PPT1: variants seen among roughly 807,000 people sequenced by gnomAD.
The protein encoded by PPT1 is palmitoyl-protein thioesterase 1.
In PPT1, 24 loss-of-function variants were observed where a neutral mutation model predicts 44.0. The ratio of observed to expected loss-of-function variants is 0.54; its 90% CI spans 0.39 to 0.77. PPT1 has a LOEUF of 0.77. Ranked by LOEUF, PPT1 falls within the 30% of genes least tolerant of loss-of-function variation. The probability of loss-of-function intolerance (pLI) is 0.00; values close to 1 mark genes in which losing one functional copy is unlikely to be tolerated. For synonymous variants in PPT1, 148 were observed against 140.2 expected (o/e 1.06, Z -0.39); for missense variants, 341 against 378.8 (o/e 0.90, Z 0.83).
At chr1:40,090,196 T>C (rs1649483227) in intron 4 of PPT1, among the ~76,000 whole-genome samples, 1 of 152,108 alleles carries the variant, frequency 6.6e-6, no homozygotes, top group Non-Finnish European at 1.5e-5. Context: ...TAAAGTGCAA[T>C]GGCTATTCAC....
At chr1:40,093,916 C>T in intron 1 of PPT1, 1 of 660,664 alleles carries the variant, frequency 1.5e-6, no homozygotes, top group Non-Finnish European at 2.8e-6. Flanking sequence ...CCATATAGGC[C>T]AAGCATGGGC....
intron 1 of PPT1, among the ~76,000 whole-genome samples, chr1:40,095,127 A>C (rs1649780513): frequency 6.6e-6 from 1 of 152,222 alleles, no homozygotes; most frequent in South Asian, 2.1e-4. Flanking sequence ...TCCTTGACCC[A>C]TTAACATTTG....
intron 6 of PPT1, 188 bp from the exon 7 acceptor site, chr1:40,078,846 A>G (rs1314046854): frequency 1.8e-5 from 11 of 616,706 alleles, no homozygotes; most frequent in Non-Finnish European, 3.4e-5. Flanking sequence ...TTTCTAAAAA[A>G]CAAAATATTT....
chr1:40,080,354 GA>G, intron 6 of PPT1, 42 bp downstream of exon 6: 1 of 1,570,560 alleles, frequency 6.4e-7, no homozygotes, highest in Non-Finnish European at 8.8e-7. Context: ...ACCTAAACAG[GA>G]AAAAGAACGC....
chr1:40,079,029 G>T (rs999610410), intron 6 of PPT1, among the ~76,000 whole-genome samples: 2 of 151,944 alleles, frequency 1.3e-5, no homozygotes, highest in African/African-American at 4.8e-5. Flanking sequence ...AGTGTCTATT[G>T]TTCCCATCTT....
downstream of PPT1, chr1:40,072,269 A>AC (rs143200276): frequency 4.6e-6 from 1 of 218,058 alleles, no homozygotes; most frequent in Non-Finnish European, 7.3e-6. Context: ...AAAAAAAAAA[A>AC]AACCCACATG....
At chr1:40,074,375 T>G (rs892932299) in intron 8 of PPT1, among the ~76,000 whole-genome samples, 192 bp from the exon 9 acceptor site, 1 of 151,622 alleles carries the variant, frequency 6.6e-6, no homozygotes, top group Non-Finnish European at 1.5e-5. Flanking sequence ...TTTCTTTCTT[T>G]CTCTTTCTTC....
At chr1:40,085,406 C>A (rs984109295) in intron 5 of PPT1, among the ~76,000 whole-genome samples, 1 of 152,102 alleles carries the variant, frequency 6.6e-6, no homozygotes, top group East Asian at 1.9e-4. Context: ...TAAATATCAG[C>A]GCAGCCTGGC....
intron 7 of PPT1, among the ~76,000 whole-genome samples, 171 bp from the exon 8 acceptor site, chr1:40,077,084 G>A (rs1648668365): frequency 6.6e-6 from 1 of 152,202 alleles, no homozygotes; most frequent in African/African-American, 2.4e-5. Context: ...TAAGGGTGGA[G>A]CCCGAGGGAT....
At chr1:40,093,965 G>A (rs1203064931) in intron 1 of PPT1, 3 of 716,382 alleles carry the variant, frequency 4.2e-6, no homozygotes, top group Admixed American at 2.0e-5. Context: ...AGACGAGGCA[G>A]GAGGATTGCT....
rs1405656035 is a variant in PPT1, at chr1:40,090,448, ATGTC to A, written c.433+877_433+880del. ...TATATAGGTGCATATGTGTATATAT[ATGTC>A]TATGTATGTATGTGCATATATGTGC... On this transcript the variant is annotated intron_variant, in intron 4 of 8. Transcript: ENST00000642050. Among the ~76,000 whole-genome samples the A allele has an allele frequency of 2.0e-3, 301 of 151,630 alleles. 4 individuals are homozygous for A. Among genetic ancestry groups the A allele is most frequent in the African/African-American group, 7.1e-3 (294 of 41,318 alleles).
rs891547456 is a variant in PPT1 at position 40,074,266 on chromosome 1, T to C, written c.799-83A>G. On this transcript the variant is annotated intron_variant, in intron 8 of 8. Transcript: ENST00000642050. ...GGTAAGTACGTTAACTTGAGATATA[T>C]TTTCAAAATGCAGTTTGTCCTGAGT... is the stretch of plus-strand genomic sequence containing the variant. 3.2e-6 allele frequency: 5 copies of C among 1,554,450 alleles called. No homozygotes were observed. In the African/African-American group the frequency reaches 5.4e-5, roughly 17 times the overall value.
At position 40,078,576 on chromosome 1, in the gene PPT1, T is replaced by A. The variant is rs576786638; in HGVS notation, c.710A>T (p.Asp237Val). 2 of 1,613,852 alleles carry A rather than the reference T, an allele frequency of 1.2e-6. No homozygotes were observed. The highest frequency in any genetic ancestry group is 2.2e-5 in the South Asian group (2 of 91,086). ...MVKFLNDSIV[D>V]PVDSEWFGFY... ...GTGTCTCACCTCCGAATCTACAGGG[T>A]CCACAATGGAATCATTGAGGAATTT... is the stretch of plus-strand genomic sequence containing the variant. The change falls in exon 7 of 9, where the codon GAC becomes GTC. Residue 237 changes from aspartate to valine, a missense_variant. Transcript: ENST00000642050.
chr1:40,093,051 G>A (rs1338370980), intron 1 of PPT1, among the ~76,000 whole-genome samples: 1 of 152,104 alleles, frequency 6.6e-6, no homozygotes, highest in East Asian at 1.9e-4. Context: ...AAAAACACAC[G>A]TCCATGCAGA....
chr1:40,093,067 G>A (rs1420203912), intron 1 of PPT1, among the ~76,000 whole-genome samples: 1 of 152,172 alleles, frequency 6.6e-6, no homozygotes, highest in African/African-American at 2.4e-5. Context: ...GCAGAAACTT[G>A]CATATAGATG....
intron 1 of PPT1, among the ~76,000 whole-genome samples, chr1:40,096,327 G>T (rs905402534): frequency 6.6e-6 from 1 of 152,134 alleles, no homozygotes; most frequent in East Asian, 1.9e-4. Context: ...GGTTCCAAAA[G>T]AACAAAGAAT....
downstream of PPT1, chr1:40,072,196 CCTTT>C (rs1403212091): frequency 2.0e-5 from 8 of 394,906 alleles, no homozygotes; most frequent in East Asian, 2.9e-4. Flanking sequence ...AGTCTTGGAC[CCTTT>C]CTTTCTCTGG....
At chr1:40,079,501 A>G (rs1413199541) in intron 6 of PPT1, among the ~76,000 whole-genome samples, 1 of 146,864 alleles carries the variant, frequency 6.8e-6, no homozygotes, top group African/African-American at 2.5e-5. Flanking sequence ...GGTTCAAGCG[A>G]TTCTCCTGCC....
chr1:40,086,662 G>C (rs1038169333), intron 5 of PPT1, among the ~76,000 whole-genome samples: 2 of 152,172 alleles, frequency 1.3e-5, no homozygotes, highest in African/African-American at 4.8e-5. Context: ...TCGGGACAAA[G>C]AGAGTCTAGC....
Sources: allele counts gnomAD v4.1 joint callset (sites outside exome capture counted in the v4.1 genomes callset), GRCh38; gene constraint gnomAD v4.1.1; transcripts MANE v1.5; gene names NCBI Gene and HGNC (gene_info 2026-07-23, HGNC 2026-07-21).